The following TRPC7 variants were observed in gnomAD, a reference collection of about 807,000 sequenced individuals.
The protein encoded by TRPC7 is transient receptor potential cation channel subfamily C member 7.
A neutral mutation model predicts 90.1 loss-of-function variants in TRPC7; 42 were observed. The ratio of observed to expected loss-of-function variants is 0.47; its 90% CI spans 0.36 to 0.60. The LOEUF (loss-of-function observed/expected upper bound fraction) is 0.60, where lower values mean the gene tolerates loss of function less well. TRPC7 is among the 20% of genes least tolerant of loss of function. TRPC7 has a pLI of 0.00. For synonymous variants in TRPC7, 451 were observed against 436.3 expected, an observed-to-expected ratio of 1.03 and a Z score of -0.42; for missense variants, 955 against 1,112.3, an observed-to-expected ratio of 0.86 and a Z score of 2.01.
chr5:136,248,998 C>T (rs1756435231), intron 6 of TRPC7, among the ~76,000 whole-genome samples: 2 of 152,190 alleles, frequency 1.3e-5, no homozygotes, highest in African/African-American at 2.4e-5. Flanking sequence ...AATAGTGTCC[C>T]TATTGAGAAA....
chr5:136,351,199 T>C (rs548288852), intron 2 of TRPC7, among the ~76,000 whole-genome samples: 1 of 152,338 alleles, frequency 6.6e-6, no homozygotes, highest in South Asian at 2.1e-4. Flanking sequence ...GAACCGTGGA[T>C]AGATACAGCC....
At chr5:136,341,907 G>A (rs1561726303) in intron 2 of TRPC7, among the ~76,000 whole-genome samples, 1 of 152,074 alleles carries the variant, frequency 6.6e-6, no homozygotes, top group Non-Finnish European at 1.5e-5. Flanking sequence ...GCATATCTGG[G>A]CCATGTTGCT....
intron 4 of TRPC7, among the ~76,000 whole-genome samples, chr5:136,270,606 A>C (rs1757179097): frequency 6.6e-6 from 1 of 152,192 alleles, no homozygotes; most frequent in African/African-American, 2.4e-5. Flanking sequence ...ACTGGAGGTG[A>C]AAGAGATAAA....
intron 3 of TRPC7, among the ~76,000 whole-genome samples, chr5:136,288,001 G>T (rs1172251870): frequency 6.6e-6 from 1 of 152,144 alleles, no homozygotes; most frequent in Non-Finnish European, 1.5e-5. Context: ...TAAATGCTAA[G>T]AGCCAACATT....
chr5:136,231,628 A>C, intron 7 of TRPC7, 79 bp from the exon 8 acceptor site: 8 of 1,319,218 alleles, frequency 6.1e-6, no homozygotes, highest in Non-Finnish European at 8.3e-6. Flanking sequence ...ATCTTGAGAC[A>C]GGGTCTCACT....
intron 2 of TRPC7, among the ~76,000 whole-genome samples, chr5:136,333,111 G>A (rs1349794861): frequency 6.6e-6 from 1 of 152,160 alleles, no homozygotes; most frequent in East Asian, 1.9e-4. Context: ...TTGTGTTTTG[G>A]GGTGGTTTGT....
chr5:136,271,727 C>T (rs766187024), intron 4 of TRPC7, among the ~76,000 whole-genome samples: 1 of 152,190 alleles, frequency 6.6e-6, no homozygotes. Context: ...CCCAGATGAA[C>T]CTGTCCCATG....
intron 1 of TRPC7, among the ~76,000 whole-genome samples, chr5:136,360,973 A>T (rs1217689334): frequency 6.6e-6 from 1 of 152,198 alleles, no homozygotes; most frequent in Non-Finnish European, 1.5e-5. Context: ...TATCACAGAT[A>T]TTCATGTTTT....
chr5:136,308,953 C>T (rs114809653), intron 3 of TRPC7, among the ~76,000 whole-genome samples: 2,718 of 152,242 alleles, frequency 0.018, 85 homozygotes, highest in African/African-American at 0.062. Flanking sequence ...AAAATGGGCC[C>T]ATTCATGGCA....
At chr5:136,362,711 T>C (rs990722205) in intron 1 of TRPC7, among the ~76,000 whole-genome samples, 3 of 152,190 alleles carry the variant, frequency 2.0e-5, no homozygotes, top group African/African-American at 4.8e-5. Context: ...TGCTTTTGGC[T>C]AGTATGCCAC....
intron 2 of TRPC7, among the ~76,000 whole-genome samples, chr5:136,318,251 A>G (rs138031312): frequency 7.4e-4 from 113 of 152,350 alleles, no homozygotes; most frequent in African/African-American, 2.6e-3. Flanking sequence ...AGGAGATGAC[A>G]TACACCCTCC....
chr5:136,233,522 T>A (rs1433542390), intron 7 of TRPC7, among the ~76,000 whole-genome samples: 1 of 152,134 alleles, frequency 6.6e-6, no homozygotes, highest in African/African-American at 2.4e-5. Context: ...AACCCTAAAT[T>A]CCAAACTGGA....
chr5:136,294,683 A>G lies in TRPC7; in HGVS notation c.964-19846T>C, dbSNP rs559670704. ...GTGGAGAAATAAGGAACAATTTTACACTGTTGGTGGGACTGTAAACTAGTT... is the reference window on the plus strand; with the variant it reads ...GTGGAGAAATAAGGAACAATTTTACGCTGTTGGTGGGACTGTAAACTAGTT... On this transcript the variant is annotated intron_variant, in intron 3 of 11. Transcript: ENST00000513104. Among the ~76,000 whole-genome samples the G allele has an allele frequency of 2.0e-3, 311 of 152,324 alleles. 1 individual carries two copies. Among genetic ancestry groups the G allele is most frequent in the African/African-American group, 7.1e-3 (296 of 41,572 alleles).
At position 136,249,280 on chromosome 5, in the gene TRPC7, A is replaced by G. The variant is rs201416982; in HGVS notation, c.1580-1545T>C. On this transcript the variant is annotated intron_variant, in intron 6 of 11. Transcript: ENST00000513104. ...GACTCTGTTAAATAATTATAATAATAGAGAGCAGTAAGAAACCTTTAGTAA... is the reference window on the plus strand; with the variant it reads ...GACTCTGTTAAATAATTATAATAATGGAGAGCAGTAAGAAACCTTTAGTAA... 8.3e-4 allele frequency among the ~76,000 whole-genome samples: 126 copies of G among 152,336 alleles called. 1 individual carries two copies. The highest frequency in any genetic ancestry group is 4.6e-3 in the East Asian group (24 of 5,190).
rs1369429961 is a variant in TRPC7, at chr5:136,213,214, T to C, written c.*221A>G. On this transcript the variant is annotated 3_prime_UTR_variant, in exon 12 of 12. Transcript: ENST00000513104. ...GGGGGCTGTTCCTCCCCTCCTCCCA[T>C]GGTAGCTTTTCTTACCCAACCACCT... 7.3e-6 allele frequency: 4 copies of C among 550,112 alleles called. No individual in the cohort carries two copies. Among genetic ancestry groups the C allele is most frequent in the African/African-American group, 3.8e-5 (2 of 52,860 alleles). The allele number at this position is 550,112 out of a possible 1,614,324, so 34.1% of individuals were successfully genotyped here. A position where few individuals can be genotyped will look rare whatever the true frequency, so the allele number is the denominator to read the frequency against.
At chr5:136,308,590 G>A (rs1315416849) in intron 3 of TRPC7, among the ~76,000 whole-genome samples, 1 of 152,230 alleles carries the variant, frequency 6.6e-6, no homozygotes, top group African/African-American at 2.4e-5. Context: ...GGCCCTGCCT[G>A]TGCTTTGTGC....
At chr5:136,307,074 CAATAT>C (rs1394234869) in intron 3 of TRPC7, among the ~76,000 whole-genome samples, 4 of 152,160 alleles carry the variant, frequency 2.6e-5, no homozygotes, top group Non-Finnish European at 4.4e-5. Flanking sequence ...TATATGTATA[CAATAT>C]GTTATGATTA....
intron 7 of TRPC7, among the ~76,000 whole-genome samples, chr5:136,231,908 T>C (rs908378143): frequency 3.9e-5 from 6 of 152,176 alleles, no homozygotes; most frequent in Non-Finnish European, 5.9e-5. Context: ...TCTGGCCAGC[T>C]TGAACTTTTA....
At position 136,251,692 on chromosome 5, in the gene TRPC7, C is replaced by A; in HGVS notation, c.1536G>T (p.Leu512=). The A allele has an allele frequency of 6.2e-7, 1 of 1,612,856 alleles. No individual in the cohort carries two copies. Among genetic ancestry groups the A allele is most frequent in the Non-Finnish European group, 8.5e-7 (1 of 1,179,008 alleles). Residue 512 remains leucine, a synonymous_variant, in exon 6 of 12, where the codon CTG becomes CTT. Transcript: ENST00000513104. ...CTTCCGGCGGAAGCGAGACATTGTG[C>A]AGCGTGTCGTCCTGCACGTGCTGGT... The part of the protein sequence containing the change: ...YVDQHVQDDT[L]HNVSLPPEVA...
Sources: gnomAD v4.1 joint callset for allele counts (sites outside exome capture counted in the v4.1 genomes callset) on GRCh38, gnomAD v4.1.1 for gene constraint, MANE v1.5 for transcripts, NCBI Gene and HGNC (gene_info 2026-07-23, HGNC 2026-07-21) for gene names.